Variants in MRPL17 observed in about 807,000 individuals in gnomAD.
MRPL17 encodes large ribosomal subunit protein bL17m.
A neutral mutation model predicts 12.0 loss-of-function variants in MRPL17; 8 were observed. The observed-to-expected ratio is 0.67, with a 90% CI of 0.39 to 1.21. The LOEUF (loss-of-function observed/expected upper bound fraction) is 1.21, where lower values mean the gene tolerates loss of function less well. Among genes scored for constraint, MRPL17 ranks in the 50% most tolerant of loss-of-function variants. The pLI is 0.01. For synonymous variants in MRPL17, 107 were observed against 92.9 expected, an observed-to-expected ratio of 1.15 and a Z score of -0.87; for missense variants, 263 against 234.4, an observed-to-expected ratio of 1.12 and a Z score of -0.80.
chr11:6,682,406 G>C lies in MRPL17; in HGVS notation c.244-4C>G, dbSNP rs1328278912. The C allele has an allele frequency of 3.7e-6, 6 of 1,611,816 alleles. No homozygotes were observed. Among genetic ancestry groups the C allele is most frequent in the East Asian group, 4.5e-5 (2 of 44,776 alleles). On this transcript the variant is annotated splice_region_variant and splice_polypyrimidine_tract_variant and intron_variant, in intron 2 of 2. Coordinates refer to ENST00000288937, the MANE Select transcript of MRPL17 (RefSeq NM_022061.4). ...GCTTTGGGATCAAATCCTTCTCCTAGAGGGAGAATTATCCAAGAGACAGCA... is the reference window on the plus strand; with the variant it reads ...GCTTTGGGATCAAATCCTTCTCCTACAGGGAGAATTATCCAAGAGACAGCA...
chr11:6,682,218 G>GT lies in MRPL17; in HGVS notation c.427dup (p.Thr143AsnfsTer48). On this transcript the variant is annotated frameshift_variant, in exon 3 of 3. Transcript: ENST00000288937. LOFTEE classifies it low-confidence loss of function (END_TRUNC). ...ACCCTGCAGCAGCTGGTTTAGGAGT[G>GT]TAAGGTGGCTGTCTCTGCGAGGCAG... 6.2e-7 allele frequency: 1 copy of GT among 1,614,210 alleles called. No individual in the cohort carries two copies. Among genetic ancestry groups the GT allele is most frequent in the South Asian group, 1.1e-5 (1 of 91,078 alleles).
Position 6,683,237 on chromosome 11 carries a change from G to A in MRPL17, c.60C>T (p.Leu20=), listed in dbSNP as rs750096890. The change falls in exon 1 of 3, where the codon CTC becomes CTT. Residue 20 remains leucine, a synonymous_variant. Coordinates refer to ENST00000288937, the MANE Select transcript of MRPL17 (RefSeq NM_022061.4). ...ACAGATGGATGCGGGACTCGGGACC[G>A]AGGCCCATACGGCGAAATACGCGGC... ...SHGRVFRRMG[L]GPESRIHLLR... is the part of the protein sequence containing the mutation. 6.2e-7 allele frequency: 1 copy of A among 1,614,008 alleles called. No individual in the cohort carries two copies. The highest frequency in any genetic ancestry group is 1.3e-5 in the African/African-American group (1 of 74,960).
At position 6,682,681 on chromosome 11, in the gene MRPL17, C is replaced by G. The variant is rs183990823; in HGVS notation, c.243+66G>C. 814 of 1,516,006 alleles carry G rather than the reference C, an allele frequency of 5.4e-4. 6 individuals are homozygous for G. In the African/African-American group the frequency reaches 0.01, roughly 19 times the overall value. 93.9% of individuals were successfully genotyped at this position (1,516,006 alleles called of 1,614,324 possible). Reference sequence around the variant, plus strand: ...CCAAGTTTAATTCTGCATAGTTCTCCTTTTTCCAACCCCCACCCCCAGGGA... The same window carrying G: ...CCAAGTTTAATTCTGCATAGTTCTCGTTTTTCCAACCCCCACCCCCAGGGA... On this transcript the variant is annotated intron_variant, in intron 2 of 2. Coordinates refer to ENST00000288937, the MANE Select transcript of MRPL17 (RefSeq NM_022061.4).
In MRPL17 at chr11:6,683,279, A is replaced by G. The variant is rs1484051756; in HGVS notation, c.18T>C (p.Ala6=). 2 of 1,611,028 alleles carry G rather than the reference A, an allele frequency of 1.2e-6. No homozygotes were observed. Among genetic ancestry groups the G allele is most frequent in the East Asian group, 4.5e-5 (2 of 44,824 alleles). Residue 6 remains alanine (A), a synonymous_variant, in exon 1 of 3, where the codon GCT becomes GCC. Coordinates refer to ENST00000288937, the MANE Select transcript of MRPL17 (RefSeq NM_022061.4). The part of the protein sequence containing the change: MRLSV[A]AAISHGRVFR... ...ATACGCGGCCATGGGAGATCGCTGCAGCGACCGACAGCCGCATGTTTCCAA... is the reference window on the plus strand; with the variant it reads ...ATACGCGGCCATGGGAGATCGCTGCGGCGACCGACAGCCGCATGTTTCCAA...
chr11:6,680,650 C>T lies in MRPL17; in HGVS notation c.*1468G>A, dbSNP rs574453935. The T allele has an allele frequency of 6.6e-6, 1 of 152,252 alleles. No homozygotes were observed. The highest frequency in any genetic ancestry group is 6.5e-5 in the Admixed American group (1 of 15,296). 9.4% of individuals were successfully genotyped at this position (152,252 alleles called of 1,614,324 possible). A position where few individuals can be genotyped will look rare whatever the true frequency, so the allele number is the denominator to read the frequency against. ...AAAGCTACAGGAGCCCAGCCACAATCCATCTATTTAAAATAAAGATGTGGT... is the reference window on the plus strand; with the variant it reads ...AAAGCTACAGGAGCCCAGCCACAATTCATCTATTTAAAATAAAGATGTGGT... On this transcript the variant is annotated 3_prime_UTR_variant, in exon 3 of 3. Transcript: ENST00000288937.
chr11:6,683,129 C>T lies in MRPL17; in HGVS notation c.168G>A (p.Ala56=). ...AGAGGGCCGCGCTCCTCACCTTCTC[C>T]GCGTAGCCCCTCATTTCGTCCACAC... The part of the protein sequence containing the change: ...WARVDEMRGY[A]EKLIDYGKLG... Residue 56 remains alanine (A), a synonymous_variant, in exon 1 of 3, where the codon GCG becomes GCA. Transcript: ENST00000288937. 6.2e-7 allele frequency: 1 copy of T among 1,613,550 alleles called. No homozygotes were observed. Among genetic ancestry groups the T allele is most frequent in the South Asian group, 1.1e-5 (1 of 91,040 alleles).
At chr11:6,683,068 G>T in intron 1 of MRPL17, 55 bp downstream of exon 1, 1 of 1,564,984 alleles carries the variant, frequency 6.4e-7, no homozygotes, top group Non-Finnish European at 8.7e-7. Flanking sequence ...CTTGCAGCCG[G>T]CTCCGCCCCC....
chr11:6,681,977 T>G lies in MRPL17; in HGVS notation c.*141A>C, dbSNP rs1387584495. ...TATCTATTGTGCAAAGAGAGGGTCA[T>G]CTGGCTCCCCAGAAGGTTCTCAACC... On this transcript the variant is annotated 3_prime_UTR_variant, in exon 3 of 3. Coordinates refer to ENST00000288937, the MANE Select transcript of MRPL17 (RefSeq NM_022061.4). 1.2e-6 allele frequency: 1 copy of G among 839,992 alleles called. No homozygotes were observed. Among genetic ancestry groups the G allele is most frequent in the East Asian group, 2.6e-5 (1 of 39,212 alleles). 52.0% of individuals were successfully genotyped at this position (839,992 alleles called of 1,614,324 possible).
Position 6,683,217 on chromosome 11 carries a change from T to C in MRPL17, c.80A>G (p.His27Arg), listed in dbSNP as rs777947008. The change falls in exon 1 of 3, where the codon CAT (histidine) becomes CGT (arginine). Residue 27 changes from histidine to arginine, a missense_variant. His to Arg is a conservative substitution (Grantham distance 29, BLOSUM62 0). Transcript: ENST00000288937. ...RMGLGPESRI[H>R]LLRNLLTGLV... ...CCCTGTGAGCAAGTTCCGCAACAGA[T>C]GGATGCGGGACTCGGGACCGAGGCC... 4 of 1,614,016 alleles carry C rather than the reference T, an allele frequency of 2.5e-6. No individual in the cohort carries two copies. The highest frequency in any genetic ancestry group is 3.4e-6 in the Non-Finnish European group (4 of 1,180,026).
chr11:6,683,223 C>A lies in MRPL17; in HGVS notation c.74G>T (p.Arg25Leu), dbSNP rs760102246. Reference sequence around the variant, plus strand: ...GAGCAAGTTCCGCAACAGATGGATGCGGGACTCGGGACCGAGGCCCATACG... The same window carrying A: ...GAGCAAGTTCCGCAACAGATGGATGAGGGACTCGGGACCGAGGCCCATACG... The part of the protein sequence containing the change: ...FRRMGLGPES[R>L]IHLLRNLLTG... The change falls in exon 1 of 3, where the codon CGC (arginine) becomes CTC (leucine). Residue 25 changes from arginine to leucine, a missense_variant. Physicochemically the swap from Arg to Leu is moderately radical, Grantham distance 102 (BLOSUM62 -2). Transcript: ENST00000288937. 1.2e-6 allele frequency: 2 copies of A among 1,614,130 alleles called. No individual in the cohort carries two copies. Among genetic ancestry groups the A allele is most frequent in the East Asian group, 2.2e-5 (1 of 44,888 alleles).
At position 6,682,215 on chromosome 11, in the gene MRPL17, A is replaced by G; in HGVS notation, c.431T>C (p.Leu144Pro). Residue 144 changes from leucine (L) to proline (P), a missense_variant, in exon 3 of 3, where the codon CTC becomes CCC. Transcript: ENST00000288937. ...CAAACCCTGCAGCAGCTGGTTTAGGAGTGTAAGGTGGCTGTCTCTGCGAGG... is the reference window on the plus strand; with the variant it reads ...CAAACCCTGCAGCAGCTGGTTTAGGGGTGTAAGGTGGCTGTCTCTGCGAGG... ...PLPRRDSHLTLLNQLLQGLRQ... is the reference protein window; with the variant it reads ...PLPRRDSHLTPLNQLLQGLRQ... The G allele has an allele frequency of 3.7e-6, 6 of 1,613,906 alleles. No homozygotes were observed. Among genetic ancestry groups the G allele is most frequent in the Non-Finnish European group, 5.1e-6 (6 of 1,179,998 alleles).
rs1246456758 is a variant in MRPL17, at chr11:6,680,652, A to G, written c.*1466T>C. 6.6e-6 allele frequency: 1 copy of G among 152,218 alleles called. No individual in the cohort carries two copies. The highest frequency in any genetic ancestry group is 2.4e-5 in the African/African-American group (1 of 41,448). The allele number at this position is 152,218 out of a possible 1,614,324, so 9.4% of individuals were successfully genotyped here. ...AGCTACAGGAGCCCAGCCACAATCC[A>G]TCTATTTAAAATAAAGATGTGGTTT... On this transcript the variant is annotated 3_prime_UTR_variant, in exon 3 of 3. Transcript: ENST00000288937.
At position 6,682,236 on chromosome 11, in the gene MRPL17, C is replaced by CGAGGCA. The variant is rs1846573826; in HGVS notation, c.404_409dup (p.Leu135_Pro136dup). 1 of 1,614,144 alleles carries CGAGGCA rather than the reference C, an allele frequency of 6.2e-7. No individual in the cohort carries two copies. The highest frequency in any genetic ancestry group is 8.5e-7 in the Non-Finnish European group (1 of 1,180,034). Reference sequence around the variant, plus strand: ...TAGGAGTGTAAGGTGGCTGTCTCTGCGAGGCAGAGGCAGGGGTGGGAGGCA... The same window carrying CGAGGCA: ...TAGGAGTGTAAGGTGGCTGTCTCTGCGAGGCAGAGGCAGAGGCAGGGGTGGGAGGCA... On this transcript the variant is annotated inframe_insertion, in exon 3 of 3. Transcript: ENST00000288937.
At chr11:6,682,911 G>T in intron 1 of MRPL17, 96 bp from the exon 2 acceptor site, 1 of 1,344,422 alleles carries the variant, frequency 7.4e-7, no homozygotes, top group Non-Finnish European at 1.0e-6. Context: ...CTTTCCACTA[G>T]CCAAGCATCT....
chr11:6,683,078 C>G, intron 1 of MRPL17, 45 bp downstream of exon 1: 1 of 1,589,474 alleles, frequency 6.3e-7, no homozygotes, highest in Non-Finnish European at 8.6e-7. Context: ...GCTCCGCCCC[C>G]TCAGACCAGA....
chr11:6,682,589 A>G (rs547834936), intron 2 of MRPL17, among the ~76,000 whole-genome samples, 158 bp downstream of exon 2: 4 of 152,336 alleles, frequency 2.6e-5, no homozygotes, highest in African/African-American at 9.6e-5. Flanking sequence ...GTATATTCAC[A>G]TCGACTTCAA....
chr11:6,682,673 T>C (rs901592081), intron 2 of MRPL17, 74 bp downstream of exon 2: 14 of 1,427,390 alleles, frequency 9.8e-6, no homozygotes, highest in East Asian at 2.3e-5. Context: ...TAATTCTGCA[T>C]AGTTCTCCTT....
rs190216103 is a variant in MRPL17, at chr11:6,682,277, G to C, written c.369C>G (p.Ile123Met). Reference sequence around the variant, plus strand: ...GTGGGAGGCAATTCCCTTTATACTCGATCACTGCCATCTTGGCCCGATCCA... The same window carrying C: ...GTGGGAGGCAATTCCCTTTATACTCCATCACTGCCATCTTGGCCCGATCCA... ...RSLDRAKMAV[I>M]EYKGNCLPPL... The change falls in exon 3 of 3, where the codon ATC becomes ATG. Residue 123 changes from isoleucine to methionine, a missense_variant. Ile to Met is a conservative substitution (Grantham distance 10, BLOSUM62 1). Transcript: ENST00000288937. 1.3e-5 allele frequency: 21 copies of C among 1,614,144 alleles called. No homozygotes were observed. In the Middle Eastern group the frequency reaches 4.9e-4, roughly 38 times the overall value.
At position 6,682,095 on chromosome 11, in the gene MRPL17, G is replaced by A; in HGVS notation, c.*23C>T. ...CCTGTGATCATGGGTACTGATTAAG[G>A]GCTGCAGACTCTTCAGATCCAGTTA... On this transcript the variant is annotated 3_prime_UTR_variant, in exon 3 of 3. Transcript: ENST00000288937. 1 of 1,594,386 alleles carries A rather than the reference G, an allele frequency of 6.3e-7. No homozygotes were observed. Among genetic ancestry groups the A allele is most frequent in the African/African-American group, 1.3e-5 (1 of 74,530 alleles).
Sources: gnomAD v4.1 joint callset for allele counts (sites outside exome capture counted in the v4.1 genomes callset) on GRCh38, gnomAD v4.1.1 for gene constraint, MANE v1.5 for transcripts, NCBI Gene and HGNC (gene_info 2026-07-23, HGNC 2026-07-21) for gene names.